ADAMTSL1: variants seen among roughly 807,000 people sequenced by gnomAD.
The protein encoded by ADAMTSL1 is ADAMTS like 1.
In ADAMTSL1, 126 loss-of-function variants were observed where a neutral mutation model predicts 201.8. The observed-to-expected ratio is 0.62, with a 90% confidence interval of 0.54 to 0.72. The LOEUF (loss-of-function observed/expected upper bound fraction) is 0.72. Among genes scored for constraint, ADAMTSL1 ranks in the 30% least tolerant of loss-of-function variants. The pLI, the probability that ADAMTSL1 is intolerant of heterozygous loss-of-function variation, is 0.00. For synonymous variants in ADAMTSL1, 1,121 were observed against 903.4 expected (o/e 1.24, Z -4.32); for missense variants, 2,679 against 2,277.8 (o/e 1.18, Z -3.59).
chr9:18,673,493 G>T (rs556841245), intron 9 of ADAMTSL1, among the ~76,000 whole-genome samples: 1 of 152,222 alleles, frequency 6.6e-6, no homozygotes, highest in Non-Finnish European at 1.5e-5. Context: ...TAGTTTTGCT[G>T]AATCCAGGTT....
At chr9:18,903,199 A>G (rs1830107817) in intron 26 of ADAMTSL1, among the ~76,000 whole-genome samples, 1 of 152,222 alleles carries the variant, frequency 6.6e-6, no homozygotes, top group African/African-American at 2.4e-5. Flanking sequence ...AAACAAAAAC[A>G]TAAAAAGAAA....
intron 21 of ADAMTSL1, among the ~76,000 whole-genome samples, chr9:18,820,427 T>TC (rs1563828973): frequency 6.6e-6 from 1 of 152,058 alleles, no homozygotes; most frequent in Non-Finnish European, 1.5e-5. Flanking sequence ...AATTTAAGAG[T>TC]CCAAAAAGGA....
rs542908248 is a variant in ADAMTSL1, at chr9:18,504,913, G to C, written c.148G>C (p.Gly50Arg). The change falls in exon 2 of 29, where the codon GGG (glycine) becomes CGG (arginine). Residue 50 changes from glycine to arginine, a missense_variant. Gly to Arg is a moderately radical substitution (Grantham distance 125). Transcript: ENST00000380548. ...ATGGAGTGAATGCTCACGCACCTGCGGGGGTGGGGCCTCCTACTCTCTGAG... is the reference window on the plus strand; with the variant it reads ...ATGGAGTGAATGCTCACGCACCTGCCGGGGTGGGGCCTCCTACTCTCTGAG... ...GPWSECSRTC[G>R]GGASYSLRRC... 6.2e-6 allele frequency: 10 copies of C among 1,612,502 alleles called. No homozygotes were observed. Among genetic ancestry groups the C allele is most frequent in the Admixed American group, 1.7e-5 (1 of 59,828 alleles).
chr9:18,315,760 C>G (rs994715550), intron 2 of ADAMTSL1, among the ~76,000 whole-genome samples: 1 of 152,214 alleles, frequency 6.6e-6, no homozygotes, highest in Non-Finnish European at 1.5e-5. Context: ...CCTCAGCCAA[C>G]CTAGAGAGGG....
intron 2 of ADAMTSL1, among the ~76,000 whole-genome samples, chr9:18,423,337 G>A (rs1819048680): frequency 6.6e-6 from 1 of 152,082 alleles, no homozygotes; most frequent in Non-Finnish European, 1.5e-5. Flanking sequence ...TCACCTAATA[G>A]GAAATGAGCA....
chr9:18,443,062 T>A (rs1538735), intron 2 of ADAMTSL1, among the ~76,000 whole-genome samples: 1 of 152,094 alleles, frequency 6.6e-6, no homozygotes, highest in African/African-American at 2.4e-5. Context: ...CACTGACATC[T>A]GCTTAAAATG....
intron 14 of ADAMTSL1, among the ~76,000 whole-genome samples, chr9:18,710,529 C>G (rs1476223196): frequency 2.6e-5 from 4 of 152,162 alleles, no homozygotes; most frequent in Admixed American, 2.0e-4. Context: ...TTATTTTAAT[C>G]TTTCAGCTAT....
chr9:18,891,119 G>A lies in ADAMTSL1; in HGVS notation c.4644-1270G>A, dbSNP rs564426767. 9.2e-5 allele frequency among the ~76,000 whole-genome samples: 12 copies of A among 130,624 alleles called. No homozygotes were observed. In the East Asian group the frequency reaches 1.3e-3, roughly 15 times the overall value. 85.7% of individuals were successfully genotyped at this position (130,624 alleles called of 152,430 possible). On this transcript the variant is annotated intron_variant, in intron 25 of 28. Coordinates refer to ENST00000380548, the MANE Select transcript of ADAMTSL1 (RefSeq NM_001040272.6). Reference sequence around the variant, plus strand: ...AGTAAGTCACAGTCCAGATTTAGGAGGAATTTGCTCCCCTTCCCTGCTACA... The same window carrying A: ...AGTAAGTCACAGTCCAGATTTAGGAAGAATTTGCTCCCCTTCCCTGCTACA...
chr9:18,554,240 G>T (rs965566113), intron 3 of ADAMTSL1, among the ~76,000 whole-genome samples: 42 of 151,238 alleles, frequency 2.8e-4, no homozygotes, highest in African/African-American at 9.2e-4. Flanking sequence ...ATGTCCATAA[G>T]CATGTTAAAT....
At chr9:18,712,523 A>G (rs1832679714) in intron 14 of ADAMTSL1, among the ~76,000 whole-genome samples, 1 of 152,078 alleles carries the variant, frequency 6.6e-6, no homozygotes, top group South Asian at 2.1e-4. Context: ...AATGAATGAA[A>G]TGAAGCGAGA....
intron 15 of ADAMTSL1, among the ~76,000 whole-genome samples, chr9:18,739,867 C>T (rs1818716408): frequency 6.7e-6 from 1 of 149,230 alleles, no homozygotes; most frequent in South Asian, 2.1e-4. Flanking sequence ...TGTATCAATG[C>T]CTGTGTGTAT....
chr9:18,601,312 T>C (rs746365467), intron 4 of ADAMTSL1, among the ~76,000 whole-genome samples: 5 of 152,192 alleles, frequency 3.3e-5, no homozygotes, highest in African/African-American at 4.8e-5. Flanking sequence ...AAAATAAGTA[T>C]TGGGCAACTA....
chr9:18,348,945 T>C (rs1031528457), intron 2 of ADAMTSL1, among the ~76,000 whole-genome samples: 1 of 152,216 alleles, frequency 6.6e-6, no homozygotes, highest in African/African-American at 2.4e-5. Flanking sequence ...AGTATTTACA[T>C]ATATTATCTC....
At chr9:17,988,650 A>G (rs1426289190) in intron 1 of ADAMTSL1, among the ~76,000 whole-genome samples, 2 of 151,588 alleles carry the variant, frequency 1.3e-5, no homozygotes, top group Admixed American at 1.3e-4. Context: ...TGCCAAAGGG[A>G]GCCAATTTGA....
chr9:18,163,471 AGG>A (rs1200234918), intron 1 of ADAMTSL1, among the ~76,000 whole-genome samples: 2 of 151,954 alleles, frequency 1.3e-5, no homozygotes, highest in Non-Finnish European at 2.9e-5. Flanking sequence ...GGACCCATCT[AGG>A]TGCTGGGATC....
chr9:18,412,455 C>T (rs1818484801), intron 2 of ADAMTSL1, among the ~76,000 whole-genome samples: 1 of 152,168 alleles, frequency 6.6e-6, no homozygotes, highest in Non-Finnish European at 1.5e-5. Flanking sequence ...TATCCTGAAT[C>T]TTGCATTTAT....
chr9:18,209,433 C>G (rs1231132696), intron 2 of ADAMTSL1, among the ~76,000 whole-genome samples: 1 of 152,160 alleles, frequency 6.6e-6, no homozygotes, highest in African/African-American at 2.4e-5. Context: ...TATGTGAACA[C>G]TCATTGGAGA....
chr9:18,646,954 A>G (rs1827851898), intron 7 of ADAMTSL1, among the ~76,000 whole-genome samples: 1 of 152,144 alleles, frequency 6.6e-6, no homozygotes, highest in African/African-American at 2.4e-5. Flanking sequence ...GAATAGTTTC[A>G]GAAGGAATGG....
chr9:18,562,347 C>T (rs1274450418), intron 3 of ADAMTSL1, among the ~76,000 whole-genome samples: 1 of 152,108 alleles, frequency 6.6e-6, no homozygotes, highest in Non-Finnish European at 1.5e-5. Context: ...ATATTGGCCC[C>T]CACTCTCTTC....
Sources: gnomAD v4.1 joint callset for allele counts (sites outside exome capture counted in the v4.1 genomes callset) on GRCh38, gnomAD v4.1.1 for gene constraint, MANE v1.5 for transcripts, NCBI Gene and HGNC (gene_info 2026-07-23, HGNC 2026-07-21) for gene names.